Variants in STIM1 observed in about 807,000 individuals in gnomAD.
STIM1 encodes the protein stromal interaction molecule 1.
In STIM1, 25 loss-of-function variants were observed where a neutral mutation model predicts 74.7. That is an observed-to-expected ratio of 0.33 (90% confidence interval 0.24 to 0.47). The LOEUF (loss-of-function observed/expected upper bound fraction) is 0.47, where lower values mean the gene tolerates loss of function less well. STIM1 is among the 20% of genes least tolerant of loss of function. STIM1 has a pLI of 1.00. For missense variants in STIM1, 728 were observed against 920.8 expected, an observed-to-expected ratio of 0.79 and a Z score of 2.71; for synonymous variants, 328 against 348.8, an observed-to-expected ratio of 0.94 and a Z score of 0.66.
At chr11:3,921,057 A>G (rs1209547584) in intron 1 of STIM1, among the ~76,000 whole-genome samples, 4 of 152,064 alleles carry the variant, frequency 2.6e-5, no homozygotes, top group Non-Finnish European at 5.9e-5. Context: ...TGGCTTCCCA[A>G]AGTGCTGGGA....
At position 4,056,325 on chromosome 11, in the gene STIM1, G is replaced by C. The variant is rs1314897472; in HGVS notation, c.497+688G>C. 5.3e-5 allele frequency among the ~76,000 whole-genome samples: 8 copies of C among 152,304 alleles called. No homozygotes were observed. The South Asian group carries it at 1.5e-3, about 28-fold the overall frequency. On this transcript the variant is annotated intron_variant, in intron 4 of 12. Transcript: ENST00000526596. ...TAGGGCTTGGGCTGGGAGTGGGAAGGGGATGGAGTACTGCTTGGACTTCTT... is the reference window on the plus strand; with the variant it reads ...TAGGGCTTGGGCTGGGAGTGGGAAGCGGATGGAGTACTGCTTGGACTTCTT...
chr11:4,052,251 AACT>A (rs1291866939), intron 3 of STIM1, among the ~76,000 whole-genome samples: 2 of 152,190 alleles, frequency 1.3e-5, no homozygotes, highest in South Asian at 2.1e-4. Context: ...AATTGGAAAA[AACT>A]ACTTTAAAGT....
chr11:3,943,908 C>A (rs995187290), intron 1 of STIM1, among the ~76,000 whole-genome samples: 1 of 152,174 alleles, frequency 6.6e-6, no homozygotes, highest in Non-Finnish European at 1.5e-5. Context: ...ACATAAGTGA[C>A]AGAAGCAAAT....
intron 2 of STIM1, among the ~76,000 whole-genome samples, chr11:4,021,870 TA>T (rs1338906565): frequency 1.3e-5 from 2 of 152,234 alleles, no homozygotes; most frequent in East Asian, 3.8e-4. Flanking sequence ...ATCAGTATTT[TA>T]CAGTTTTCAT....
At chr11:4,083,960 A>G (rs1167189414) in intron 10 of STIM1, among the ~76,000 whole-genome samples, 1 of 152,154 alleles carries the variant, frequency 6.6e-6, no homozygotes, top group Non-Finnish European at 1.5e-5. Flanking sequence ...TAGTCCCTTA[A>G]AGTGATATAG....
At chr11:3,950,531 G>C (rs1025514282) in intron 1 of STIM1, among the ~76,000 whole-genome samples, 1 of 152,116 alleles carries the variant, frequency 6.6e-6, no homozygotes, top group African/African-American at 2.4e-5. Context: ...TCCAGTTTTG[G>C]GTATTACAAA....
intron 3 of STIM1, among the ~76,000 whole-genome samples, chr11:4,032,323 A>G (rs980818963): frequency 6.6e-6 from 1 of 152,234 alleles, no homozygotes; most frequent in African/African-American, 2.4e-5. Context: ...CTAAAAAACA[A>G]GCAAACAAAA....
chr11:3,892,095 T>G (rs2135381485), intron 1 of STIM1, among the ~76,000 whole-genome samples: 1 of 152,402 alleles, frequency 6.6e-6, no homozygotes, highest in South Asian at 2.1e-4. Flanking sequence ...AAATCTCTTC[T>G]TGATTTTCTA....
intron 5 of STIM1, among the ~76,000 whole-genome samples, chr11:4,060,692 T>TTCTATGTA (rs1358793812): frequency 6.6e-6 from 1 of 152,312 alleles, no homozygotes; most frequent in East Asian, 1.9e-4. Flanking sequence ...ACTGAGCACA[T>TTCTATGTA]TCTATGTACC....
At chr11:3,970,392 G>A (rs978345640) in intron 2 of STIM1, among the ~76,000 whole-genome samples, 2 of 152,236 alleles carry the variant, frequency 1.3e-5, no homozygotes, top group Middle Eastern at 3.4e-3. Flanking sequence ...CAAAATGTGT[G>A]TGCCTAAGTC....
chr11:4,034,139 G>A (rs1041260099), intron 3 of STIM1, among the ~76,000 whole-genome samples: 1 of 151,922 alleles, frequency 6.6e-6, no homozygotes, highest in African/African-American at 2.4e-5. Flanking sequence ...TGAGGCAGGA[G>A]AATCGCTTGA....
intron 2 of STIM1, among the ~76,000 whole-genome samples, chr11:3,996,260 G>C (rs893267613): frequency 6.6e-6 from 1 of 152,146 alleles, no homozygotes; most frequent in Non-Finnish European, 1.5e-5. Context: ...TAGGAGCTGA[G>C]GACTTGGTGG....
chr11:3,938,312 T>A (rs1425595058), intron 1 of STIM1, among the ~76,000 whole-genome samples: 2 of 152,096 alleles, frequency 1.3e-5, no homozygotes, highest in Non-Finnish European at 2.9e-5. Flanking sequence ...CTAGGAGAGC[T>A]TTAGACCCTA....
intron 5 of STIM1, among the ~76,000 whole-genome samples, chr11:4,060,897 A>G (rs191152018): frequency 1.3e-5 from 2 of 152,318 alleles, no homozygotes; most frequent in East Asian, 3.9e-4. Flanking sequence ...GGAGAAAGTA[A>G]TTCTTGAGCT....
At chr11:3,864,234 G>T (rs1017152908) in intron 1 of STIM1, among the ~76,000 whole-genome samples, 6 of 152,180 alleles carry the variant, frequency 3.9e-5, no homozygotes, top group African/African-American at 1.2e-4. Context: ...TGAGCAAATG[G>T]GCCTGGTCCC....
intron 1 of STIM1, among the ~76,000 whole-genome samples, chr11:3,946,449 G>A (rs1565124222): frequency 6.6e-6 from 1 of 152,130 alleles, no homozygotes; most frequent in Non-Finnish European, 1.5e-5. Context: ...CTTCTGAGGT[G>A]ATGTTTTCTG....
chr11:3,929,799 C>A (rs1050733089), intron 1 of STIM1, among the ~76,000 whole-genome samples: 3 of 152,236 alleles, frequency 2.0e-5, no homozygotes, highest in Non-Finnish European at 4.4e-5. Flanking sequence ...GAAATTCAAC[C>A]CAGTCCTAAA....
At chr11:3,924,203 C>CTTT (rs1170851849) in intron 1 of STIM1, among the ~76,000 whole-genome samples, 3 of 127,568 alleles carry the variant, frequency 2.4e-5, no homozygotes, top group Admixed American at 7.8e-5. Context: ...TTTTTCTTTT[C>CTTT]TTTTTTTTTT....
intron 2 of STIM1, among the ~76,000 whole-genome samples, chr11:3,997,234 T>C (rs1565141844): frequency 6.6e-6 from 1 of 152,222 alleles, no homozygotes; most frequent in Non-Finnish European, 1.5e-5. Flanking sequence ...TCAGAGGGAT[T>C]CTCTGTATCT....
Sources: gnomAD v4.1 joint callset for allele counts (sites outside exome capture counted in the v4.1 genomes callset) on GRCh38, gnomAD v4.1.1 for gene constraint, MANE v1.5 for transcripts, NCBI Gene and HGNC (gene_info 2026-07-23, HGNC 2026-07-21) for gene names.